The following LRRC4C variants were observed in gnomAD, a reference collection of about 807,000 sequenced individuals.
The protein encoded by LRRC4C is leucine-rich repeat-containing protein 4C.
A neutral mutation model predicts 33.6 loss-of-function variants in LRRC4C; 5 were observed. That is an observed-to-expected ratio of 0.15 (90% confidence interval 0.08 to 0.31). The LOEUF (loss-of-function observed/expected upper bound fraction) is 0.31, where lower values mean the gene tolerates loss of function less well. Among genes scored for constraint, LRRC4C ranks in the 10% least tolerant of loss-of-function variants. The pLI is 1.00. For missense variants in LRRC4C, 560 were observed against 796.7 expected, an observed-to-expected ratio of 0.70 and a Z score of 3.58; for synonymous variants, 329 against 302.0, an observed-to-expected ratio of 1.09 and a Z score of -0.93.
At chr11:40,923,459 T>C (rs1351891404) in intron 2 of LRRC4C, among the ~76,000 whole-genome samples, 2 of 152,204 alleles carry the variant, frequency 1.3e-5, no homozygotes, top group Non-Finnish European at 2.9e-5. Flanking sequence ...GAAGTCACAC[T>C]TGTCACTTTT....
At chr11:40,884,306 T>G (rs1955327189) in intron 2 of LRRC4C, among the ~76,000 whole-genome samples, 1 of 152,156 alleles carries the variant, frequency 6.6e-6, no homozygotes, top group South Asian at 2.1e-4. Flanking sequence ...CTTTATCCAG[T>G]CTATCATTGA....
chr11:40,487,631 C>T (rs1565438358), intron 3 of LRRC4C, among the ~76,000 whole-genome samples: 1 of 151,222 alleles, frequency 6.6e-6, no homozygotes, highest in African/African-American at 2.4e-5. Context: ...TAAAACCTGC[C>T]TCTTTAATTG....
At chr11:41,176,029 T>A (rs1945182370) in intron 1 of LRRC4C, among the ~76,000 whole-genome samples, 2 of 148,506 alleles carry the variant, frequency 1.3e-5, no homozygotes, top group South Asian at 4.2e-4. Flanking sequence ...TAATAGAATA[T>A]TTTTTTTTCA....
At chr11:40,972,722 C>T (rs375470632) in intron 1 of LRRC4C, among the ~76,000 whole-genome samples, 5 of 152,174 alleles carry the variant, frequency 3.3e-5, no homozygotes, top group South Asian at 2.1e-4. Context: ...AAAACTCACT[C>T]GCTATCATGA....
chr11:41,170,175 C>T (rs571614551), intron 1 of LRRC4C, among the ~76,000 whole-genome samples: 4 of 152,238 alleles, frequency 2.6e-5, no homozygotes, highest in African/African-American at 9.6e-5. Flanking sequence ...TATTTTTATA[C>T]TGCCCAAGGT....
chr11:40,495,504 G>A lies in LRRC4C; in HGVS notation c.-270+152638C>T, dbSNP rs530110812. Reference sequence around the variant, plus strand: ...AAATACAGTAAAATCAGAGGGTTTAGAAAGTTCCCCAAGTTGAGATATTAC... The same window carrying A: ...AAATACAGTAAAATCAGAGGGTTTAAAAAGTTCCCCAAGTTGAGATATTAC... On this transcript the variant is annotated intron_variant, in intron 3 of 6. Transcript: ENST00000528697. 2.6e-4 allele frequency among the ~76,000 whole-genome samples: 40 copies of A among 152,230 alleles called. No homozygotes were observed. In the South Asian group the frequency reaches 5.2e-3, roughly 20 times the overall value.
At chr11:40,860,406 CCTCTGAAATTAAGATGTCAGTGGAAACAT>C (rs1954028332) in intron 2 of LRRC4C, among the ~76,000 whole-genome samples, 1 of 4,204 alleles carries the variant, frequency 2.4e-4, no homozygotes, top group African/African-American at 3.1e-4. Flanking sequence ...AAACATGTTT[CCTCTGAAATTAAGATGTCAGTGGAAACAT>C]GTTTCCTCTG....
At chr11:41,356,440 C>A (rs1160223079) in intron 1 of LRRC4C, among the ~76,000 whole-genome samples, 1 of 152,114 alleles carries the variant, frequency 6.6e-6, no homozygotes, top group Non-Finnish European at 1.5e-5. Context: ...GGGTAAGGGG[C>A]CCTAATCACC....
At chr11:41,259,531 T>C (rs10501258) in intron 1 of LRRC4C, among the ~76,000 whole-genome samples, 9,793 of 152,064 alleles carry the variant, frequency 0.064, 329 homozygotes, top group African/African-American at 0.078. Flanking sequence ...CGTATTAGGC[T>C]TGACAATCTG....
At chr11:41,193,929 A>AT (rs567370033) in intron 1 of LRRC4C, among the ~76,000 whole-genome samples, 42 of 152,058 alleles carry the variant, frequency 2.8e-4, no homozygotes, top group African/African-American at 9.9e-4. Context: ...AGAAATTGTG[A>AT]TTTTTTTCAT....
chr11:41,216,077 G>C (rs1947049668), intron 1 of LRRC4C, among the ~76,000 whole-genome samples: 1 of 152,194 alleles, frequency 6.6e-6, no homozygotes. Flanking sequence ...GAAGGCTACA[G>C]ATATTTTACC....
intron 2 of LRRC4C, among the ~76,000 whole-genome samples, chr11:40,882,087 C>T (rs914514062): frequency 2.0e-5 from 3 of 151,992 alleles, no homozygotes; most frequent in Non-Finnish European, 4.4e-5. Flanking sequence ...GGCATGAAAG[C>T]AGCCATCGAT....
chr11:40,223,814 C>T (rs1025729012), intron 5 of LRRC4C, among the ~76,000 whole-genome samples: 1 of 152,194 alleles, frequency 6.6e-6, no homozygotes, highest in Non-Finnish European at 1.5e-5. Flanking sequence ...ACCTTCCATT[C>T]ATGTATACTT....
intron 3 of LRRC4C, among the ~76,000 whole-genome samples, chr11:40,598,179 G>A (rs1356659528): frequency 6.6e-6 from 1 of 152,128 alleles, no homozygotes; most frequent in Non-Finnish European, 1.5e-5. Flanking sequence ...ACTAAGAAAA[G>A]CATCACTTTT....
chr11:41,165,476 C>G (rs569095430), intron 1 of LRRC4C, among the ~76,000 whole-genome samples: 4 of 152,180 alleles, frequency 2.6e-5, no homozygotes, highest in South Asian at 4.2e-4. Flanking sequence ...ATTACACACA[C>G]CATCTTATTT....
chr11:41,235,577 T>C (rs1947984727), intron 1 of LRRC4C, among the ~76,000 whole-genome samples: 1 of 152,158 alleles, frequency 6.6e-6, no homozygotes, highest in Admixed American at 6.6e-5. Flanking sequence ...AAGTAACTTA[T>C]TAAAAAGCAC....
intron 3 of LRRC4C, among the ~76,000 whole-genome samples, chr11:40,400,088 A>C (rs1231552534): frequency 5.3e-5 from 8 of 152,104 alleles, no homozygotes. Flanking sequence ...GAATAGAACA[A>C]TACCTTGACT....
chr11:40,674,740 A>G (rs916147103), intron 2 of LRRC4C, among the ~76,000 whole-genome samples: 2 of 152,182 alleles, frequency 1.3e-5, no homozygotes, highest in Non-Finnish European at 2.9e-5. Context: ...GATTACGAGG[A>G]TGAATAAAAT....
intron 1 of LRRC4C, among the ~76,000 whole-genome samples, chr11:41,447,407 C>T (rs1312811734): frequency 6.6e-6 from 1 of 152,068 alleles, no homozygotes; most frequent in Non-Finnish European, 1.5e-5. Flanking sequence ...GCTATTAAAA[C>T]CCCATGAAAA....
Sources: gnomAD v4.1 joint callset for allele counts (sites outside exome capture counted in the v4.1 genomes callset) on GRCh38, gnomAD v4.1.1 for gene constraint, MANE v1.5 for transcripts, NCBI Gene and HGNC (gene_info 2026-07-23, HGNC 2026-07-21) for gene names.